DOCK7: variants seen among roughly 807,000 people sequenced by gnomAD.
The protein encoded by DOCK7 is dedicator of cytokinesis 7.
A neutral mutation model predicts 271.0 loss-of-function variants in DOCK7; 138 were observed. The ratio of observed to expected loss-of-function variants is 0.51; its 90% CI spans 0.44 to 0.59. DOCK7 has a LOEUF of 0.59. DOCK7 is among the 20% of genes least tolerant of loss of function. The pLI, the probability that DOCK7 is intolerant of heterozygous loss-of-function variation, is 0.00. For missense variants in DOCK7, 2,066 were observed against 2,592.4 expected (o/e 0.80, Z 4.41); for synonymous variants, 823 against 876.1 (o/e 0.94, Z 1.07).
chr1:62,476,904 T>C (rs571920253), intron 44 of DOCK7: 1 of 152,358 alleles, frequency 6.6e-6, no homozygotes, highest in Non-Finnish European at 1.5e-5. Context: ...TATGTCAGTT[T>C]GGCCAGAGAA....
At chr1:62,589,159 GC>G (rs1648046508) in intron 14 of DOCK7, among the ~76,000 whole-genome samples, 1 of 152,190 alleles carries the variant, frequency 6.6e-6, no homozygotes, top group Admixed American at 6.5e-5. Context: ...TATTTGCTTT[GC>G]CAGTGAACCA....
chr1:62,592,657 T>C (rs1305690573), intron 14 of DOCK7, among the ~76,000 whole-genome samples: 2 of 152,120 alleles, frequency 1.3e-5, no homozygotes, highest in South Asian at 2.1e-4. Flanking sequence ...ATTATGTACA[T>C]AACCAGATGA....
chr1:62,479,530 T>A (rs904222813), intron 43 of DOCK7, among the ~76,000 whole-genome samples: 3 of 151,922 alleles, frequency 2.0e-5, no homozygotes, highest in African/African-American at 7.2e-5. Context: ...AAGAACAACA[T>A]AATAATAGTA....
intron 1 of DOCK7, among the ~76,000 whole-genome samples, chr1:62,672,478 A>G (rs1392550061): frequency 1.3e-5 from 2 of 152,170 alleles, no homozygotes; most frequent in African/African-American, 4.8e-5. Context: ...TAAAATTTGA[A>G]CATAAAGACC....
At chr1:62,651,898 A>G (rs1657424539) in intron 4 of DOCK7, among the ~76,000 whole-genome samples, 1 of 152,156 alleles carries the variant, frequency 6.6e-6, no homozygotes, top group Non-Finnish European at 1.5e-5. Context: ...CATCTGTCTT[A>G]AACTACTGTA....
Position 62,543,746 on chromosome 1 carries a change from C to T in DOCK7, c.2860-1G>A. On this transcript the variant is annotated splice_acceptor_variant, in intron 23 of 49. Coordinates refer to ENST00000635253, the MANE Select transcript of DOCK7 (RefSeq NM_001367561.1). LOFTEE classifies it high-confidence loss of function. ...TACGATTACAACTTCGATCCATAGC[C>T]TATGGAGTGAAGATGAATGAATGAC... The T allele has an allele frequency of 6.4e-7, 1 of 1,574,516 alleles. No homozygotes were observed. The highest frequency in any genetic ancestry group is 8.7e-7 in the Non-Finnish European group (1 of 1,151,286).
intron 48 of DOCK7, among the ~76,000 whole-genome samples, chr1:62,460,326 C>T (rs1645482632): frequency 6.6e-6 from 1 of 151,914 alleles, no homozygotes; most frequent in Non-Finnish European, 1.5e-5. Flanking sequence ...TTAGACCAAC[C>T]ATGGATTGAA....
In DOCK7 at chr1:62,578,728, A is replaced by C. The variant is rs1469686871; in HGVS notation, c.2010+100T>G. 4 of 985,366 alleles carry C rather than the reference A, an allele frequency of 4.1e-6. No individual in the cohort carries two copies. The East Asian group carries it at 1.1e-4, about 28-fold the overall frequency. The allele number at this position is 985,366 out of a possible 1,614,324, so 61.0% of individuals were successfully genotyped here. On this transcript the variant is annotated intron_variant, in intron 17 of 49. Coordinates refer to ENST00000635253, the MANE Select transcript of DOCK7 (RefSeq NM_001367561.1). ...CAGAGACTCTGTCTCAAAAAAAAAAAAAAAAAAAAAACCCACAAATGACCA... is the reference window on the plus strand; with the variant it reads ...CAGAGACTCTGTCTCAAAAAAAAAACAAAAAAAAAAACCCACAAATGACCA...
At chr1:62,612,000 A>T (rs1372771243) in intron 14 of DOCK7, among the ~76,000 whole-genome samples, 4 of 151,798 alleles carry the variant, frequency 2.6e-5, no homozygotes, top group Non-Finnish European at 1.5e-5. Context: ...CAAAAAAAAA[A>T]AAAAAATTAG....
At chr1:62,530,240 G>A (rs915165152) in intron 29 of DOCK7, among the ~76,000 whole-genome samples, 1 of 152,168 alleles carries the variant, frequency 6.6e-6, no homozygotes, top group Non-Finnish European at 1.5e-5. Flanking sequence ...TAGGAAAGAA[G>A]AGCCATTCTG....
intron 14 of DOCK7, among the ~76,000 whole-genome samples, chr1:62,587,299 TAAAAA>T: frequency 8.8e-4 from 37 of 41,860 alleles, no homozygotes; most frequent in Admixed American, 1.9e-3. Flanking sequence ...ACCAAATAGC[TAAAAA>T]AAAAAAAAAA....
intron 31 of DOCK7, among the ~76,000 whole-genome samples, chr1:62,514,323 T>C (rs571067903): frequency 6.6e-6 from 1 of 152,134 alleles, no homozygotes; most frequent in Non-Finnish European, 1.5e-5. Context: ...AAATCATGTA[T>C]GTCAGACTTA....
intron 14 of DOCK7, among the ~76,000 whole-genome samples, chr1:62,607,133 G>A (rs778039479): frequency 2.6e-5 from 4 of 152,080 alleles, no homozygotes; most frequent in Non-Finnish European, 5.9e-5. Flanking sequence ...TTGAACCCAG[G>A]AGGCGGAGGT....
chr1:62,640,659 T>C (rs1655908547), intron 7 of DOCK7, among the ~76,000 whole-genome samples: 1 of 152,234 alleles, frequency 6.6e-6, no homozygotes, highest in African/African-American at 2.4e-5. Context: ...GTTCCCAGTC[T>C]ATGTGTCTAT....
intron 22 of DOCK7, among the ~76,000 whole-genome samples, chr1:62,547,526 T>C (rs935141732): frequency 2.6e-5 from 4 of 152,170 alleles, no homozygotes; most frequent in Non-Finnish European, 4.4e-5. Context: ...TTGTGTTATA[T>C]TACAAAGATT....
intron 14 of DOCK7, among the ~76,000 whole-genome samples, chr1:62,612,118 T>C (rs1027408756): frequency 6.6e-6 from 1 of 152,146 alleles, no homozygotes. Context: ...ATCATGCCAC[T>C]GTATTCCAGA....
At chr1:62,495,255 C>A in intron 39 of DOCK7, 1 of 164,864 alleles carries the variant, frequency 6.1e-6, no homozygotes, top group Non-Finnish European at 1.3e-5. Context: ...TCCAAAGATG[C>A]CACCTGGAAA....
chr1:62,552,622 A>ATTCCTAAC, intron 22 of DOCK7, 110 bp downstream of exon 22: 2 of 1,074,858 alleles, frequency 1.9e-6, no homozygotes, highest in Non-Finnish European at 2.6e-6. Flanking sequence ...TTCCTTCCTA[A>ATTCCTAAC]TTCCTAACTT....
intron 2 of DOCK7, 31 bp downstream of exon 2, chr1:62,662,994 G>A (rs1201916391): frequency 6.5e-7 from 1 of 1,546,702 alleles, no homozygotes; most frequent in Non-Finnish European, 8.9e-7. Flanking sequence ...CATACACCAA[G>A]AAGAGACTAT....
Sources: allele counts gnomAD v4.1 joint callset (sites outside exome capture counted in the v4.1 genomes callset), GRCh38; gene constraint gnomAD v4.1.1; transcripts MANE v1.5; gene names NCBI Gene and HGNC (gene_info 2026-07-23, HGNC 2026-07-21).